Variants in GLRX3 observed in about 807,000 individuals in gnomAD.
GLRX3 encodes the protein glutaredoxin-3.
In GLRX3, 22 loss-of-function variants were observed where a neutral mutation model predicts 49.5. The observed-to-expected ratio is 0.44, with a 90% CI of 0.32 to 0.63. The LOEUF (loss-of-function observed/expected upper bound fraction) is 0.63, where lower values mean the gene tolerates loss of function less well. Among genes scored for constraint, GLRX3 ranks in the 30% least tolerant of loss-of-function variants. The probability of loss-of-function intolerance (pLI) is 0.05; values close to 1 mark genes in which losing one functional copy is unlikely to be tolerated. For missense variants in GLRX3, 385 were observed against 396.3 expected, an observed-to-expected ratio of 0.97 and a Z score of 0.24; for synonymous variants, 133 against 140.0, an observed-to-expected ratio of 0.95 and a Z score of 0.35.
At chr10:130,171,838 C>T (rs570830614) in intron 8 of GLRX3, among the ~76,000 whole-genome samples, 1 of 152,204 alleles carries the variant, frequency 6.6e-6, no homozygotes, top group Admixed American at 6.5e-5. Context: ...TGGTCACATA[C>T]ATCTATGGTC....
intron 2 of GLRX3, among the ~76,000 whole-genome samples, chr10:130,149,246 A>G (rs1862325201): frequency 6.6e-6 from 1 of 152,176 alleles, no homozygotes; most frequent in Non-Finnish European, 1.5e-5. Context: ...GTTCAAGACC[A>G]GCTTGAGTAA....
intron 2 of GLRX3, among the ~76,000 whole-genome samples, chr10:130,159,328 G>C (rs1174665522): frequency 6.6e-6 from 1 of 152,136 alleles, no homozygotes; most frequent in Admixed American, 6.5e-5. Context: ...TCATGCATCA[G>C]ATATCACATC....
At chr10:130,137,680 A>C (rs10829691) in intron 1 of GLRX3, among the ~76,000 whole-genome samples, 67,849 of 152,052 alleles carry the variant, frequency 0.45, 15,295 homozygotes, top group South Asian at 0.53. Context: ...AGATGTTGGC[A>C]CTTAGTATTT....
At chr10:130,151,364 A>G (rs1564990461) in intron 2 of GLRX3, among the ~76,000 whole-genome samples, 1 of 152,190 alleles carries the variant, frequency 6.6e-6, no homozygotes. Context: ...GAAGTTATCA[A>G]AACTTTTTTT....
At chr10:130,150,293 C>T (rs1045349620) in intron 2 of GLRX3, among the ~76,000 whole-genome samples, 9 of 151,522 alleles carry the variant, frequency 5.9e-5, no homozygotes, top group East Asian at 1.9e-4. Context: ...TTCCTTTGTT[C>T]GAATGGCTCT....
chr10:130,165,599 A>G lies in GLRX3; in HGVS notation c.479-908A>G, dbSNP rs539472478. 7.9e-3 allele frequency among the ~76,000 whole-genome samples: 1,201 copies of G among 152,322 alleles called. 11 individuals carry two copies. Among genetic ancestry groups the G allele is most frequent in the African/African-American group, 0.027 (1,137 of 41,572 alleles). ...GTCAATCTATTGATGGTTCATATAT[A>G]ACAACAGAGAAGATAGCTTTAAAAT... is the stretch of plus-strand genomic sequence containing the variant. On this transcript the variant is annotated intron_variant, in intron 4 of 10. Coordinates refer to ENST00000331244, the MANE Select transcript of GLRX3 (RefSeq NM_006541.5).
rs761517084 is a variant in GLRX3, at chr10:130,166,660, G to T, written c.632G>T (p.Gly211Val). ...CTCTATGTTTCTGGAGAGCTCATAG[G>T]AGGACTTGATATAATTAAGGTTAGA... ...PQLYVSGELI[G>V]GLDIIKELEA... Residue 211 changes from glycine (G) to valine (V), a missense_variant, in exon 5 of 11, where the codon GGA becomes GTA. Transcript: ENST00000331244. The T allele has an allele frequency of 6.2e-7, 1 of 1,607,508 alleles. No individual in the cohort carries two copies.
At chr10:130,145,876 C>T (rs893127749) in intron 2 of GLRX3, among the ~76,000 whole-genome samples, 1 of 151,864 alleles carries the variant, frequency 6.6e-6, no homozygotes, top group Admixed American at 6.6e-5. Flanking sequence ...TCACTGCAAC[C>T]TCTGCCTCCC....
At chr10:130,139,505 G>C (rs368668401) in intron 1 of GLRX3, among the ~76,000 whole-genome samples, 10 of 152,124 alleles carry the variant, frequency 6.6e-5, no homozygotes, top group African/African-American at 1.4e-4. Flanking sequence ...AGCCAGGCAT[G>C]GTGGCAGGTG....
intron 4 of GLRX3, among the ~76,000 whole-genome samples, chr10:130,161,662 G>A (rs996574772): frequency 1.8e-4 from 28 of 152,288 alleles, no homozygotes; most frequent in African/African-American, 6.3e-4. Flanking sequence ...GACCCCTCTG[G>A]TAGTGGGTTT....
chr10:130,157,492 C>G lies in GLRX3; in HGVS notation c.202-2503C>G, dbSNP rs1231915465. On this transcript the variant is annotated intron_variant, in intron 2 of 10. Coordinates refer to ENST00000331244, the MANE Select transcript of GLRX3 (RefSeq NM_006541.5). Reference sequence around the variant, plus strand: ...CTTCAACCTATTGGATGGTGGCCGCCGCCCCCCCCCCCCCCCCCCCCCCCC... The same window carrying G: ...CTTCAACCTATTGGATGGTGGCCGCGGCCCCCCCCCCCCCCCCCCCCCCCC... 4.8e-3 allele frequency among the ~76,000 whole-genome samples: 19 copies of G among 3,966 alleles called. 1 individual carries two copies. Among genetic ancestry groups the G allele is most frequent in the Admixed American group, 0.02 (14 of 690 alleles). The allele number at this position is 3,966 out of a possible 152,430, so 2.6% of individuals were successfully genotyped here.
chr10:130,172,030 A>G (rs978651593), intron 8 of GLRX3, among the ~76,000 whole-genome samples: 4 of 152,212 alleles, frequency 2.6e-5, no homozygotes, highest in Non-Finnish European at 5.9e-5. Context: ...TGTAATGTCT[A>G]TATCCATACA....
At position 130,160,807 on chromosome 10, in the gene GLRX3, A is replaced by T. The variant is rs930513091; in HGVS notation, c.288A>T (p.Lys96Asn). Residue 96 changes from lysine (K) to asparagine (N), a missense_variant, in exon 4 of 11, where the codon AAA (lysine) becomes AAT (asparagine). Around this residue, in one of 2 missense-constraint regions of GLRX3, gnomAD observed 374 missense variants for 358.6 expected, o/e 1.04. Coordinates refer to ENST00000331244, the MANE Select transcript of GLRX3 (RefSeq NM_006541.5). Reference sequence around the variant, plus strand: ...TTTTTAAACTTTAGAATTCTCAGAAAATCGACCGATTAGATGGTGCACATG... The same window carrying T: ...TTTTTAAACTTTAGAATTCTCAGAATATCGACCGATTAGATGGTGCACATG... ...PTFLFFKNSQKIDRLDGAHAP... is the reference protein window; with the variant it reads ...PTFLFFKNSQNIDRLDGAHAP... 6.3e-7 allele frequency: 1 copy of T among 1,590,016 alleles called. No individual in the cohort carries two copies. The highest frequency in any genetic ancestry group is 8.6e-7 in the Non-Finnish European group (1 of 1,158,136).
intron 3 of GLRX3, 128 bp downstream of exon 3, chr10:130,160,197 C>T: frequency 7.9e-6 from 5 of 636,310 alleles, no homozygotes; most frequent in South Asian, 2.0e-5. Context: ...CTCCACCTTT[C>T]TTCTGATAGT....
Position 130,160,939 on chromosome 10 carries a change from G to A in GLRX3, c.420G>A (p.Leu140=), listed in dbSNP as rs373937845. Residue 140 remains leucine, a synonymous_variant, in exon 4 of 11, where the codon TTG becomes TTA. Coordinates refer to ENST00000331244, the MANE Select transcript of GLRX3 (RefSeq NM_006541.5). The part of the protein sequence containing the change: ...KEDLNLRLKK[L]THAAPCMLFM... ...ATCTCAACCTTCGCTTGAAGAAATTGACTCATGCTGCCCCCTGCATGCTGT... is the reference window on the plus strand; with the variant it reads ...ATCTCAACCTTCGCTTGAAGAAATTAACTCATGCTGCCCCCTGCATGCTGT... 154 of 1,613,772 alleles carry A rather than the reference G, an allele frequency of 9.5e-5. No individual in the cohort carries two copies. Among genetic ancestry groups the A allele is most frequent in the Non-Finnish European group, 1.2e-4 (147 of 1,179,894 alleles).
intron 10 of GLRX3, among the ~76,000 whole-genome samples, chr10:130,176,194 A>T (rs1400900299): frequency 2.0e-5 from 3 of 149,586 alleles, no homozygotes; most frequent in Admixed American, 1.3e-4. Flanking sequence ...ATCTCGGCTC[A>T]CTGCAGCCTC....
chr10:130,155,975 A>T (rs1411930102), intron 2 of GLRX3, among the ~76,000 whole-genome samples: 1 of 152,168 alleles, frequency 6.6e-6, no homozygotes, highest in Admixed American at 6.5e-5. Flanking sequence ...GGTCAGTGGA[A>T]TGAGGACAGG....
At chr10:130,137,175 A>T (rs1862073418) in intron 1 of GLRX3, among the ~76,000 whole-genome samples, 1 of 152,242 alleles carries the variant, frequency 6.6e-6, no homozygotes, top group Non-Finnish European at 1.5e-5. Flanking sequence ...TTCCTGTTCC[A>T]TGAACTGGTG....
chr10:130,152,112 A>G (rs868023599), intron 2 of GLRX3, among the ~76,000 whole-genome samples: 1 of 151,686 alleles, frequency 6.6e-6, no homozygotes, highest in Admixed American at 6.6e-5. Flanking sequence ...TCCGCCTTCC[A>G]GGTTCAAGCG....
Sources: allele counts gnomAD v4.1 joint callset (sites outside exome capture counted in the v4.1 genomes callset), GRCh38; gene constraint gnomAD v4.1.1; regional missense constraint gnomAD v4.1.1; transcripts MANE v1.5; gene names NCBI Gene and HGNC (gene_info 2026-07-23, HGNC 2026-07-21).